ABCB5: variants seen among roughly 807,000 people sequenced by gnomAD.
ABCB5 encodes ATP-binding cassette sub-family B member 5.
A neutral mutation model predicts 144.2 loss-of-function variants in ABCB5; 155 were observed. The ratio of observed to expected loss-of-function variants is 1.08; its 90% CI spans 0.94 to 1.23. The LOEUF (loss-of-function observed/expected upper bound fraction) is 1.23. Ranked by LOEUF, ABCB5 falls within the 50% of genes most tolerant of loss-of-function variation. The pLI is 0.00. For missense variants in ABCB5, 1,830 were observed against 1,520.8 expected (o/e 1.20, Z -3.38); for synonymous variants, 610 against 528.6 (o/e 1.15, Z -2.11).
intron 21 of ABCB5, among the ~76,000 whole-genome samples, chr7:20,724,330 T>C (rs190746953): frequency 2.0e-5 from 3 of 152,164 alleles, no homozygotes; most frequent in African/African-American, 7.2e-5. Context: ...GAGACTTCTG[T>C]TGACTCTACA....
chr7:20,712,937 T>C (rs1781536111), intron 20 of ABCB5, among the ~76,000 whole-genome samples: 1 of 149,752 alleles, frequency 6.7e-6, no homozygotes, highest in South Asian at 2.1e-4. Flanking sequence ...CTTGGTAATT[T>C]TCAAGTTTAC....
intron 15 of ABCB5, among the ~76,000 whole-genome samples, chr7:20,683,824 C>A (rs1785903329): frequency 6.6e-6 from 1 of 152,292 alleles, no homozygotes; most frequent in Non-Finnish European, 1.5e-5. Context: ...CCAAGATTGA[C>A]TGCGGTATCA....
intron 15 of ABCB5, 100 bp downstream of exon 15, chr7:20,681,766 C>T: frequency 7.4e-7 from 1 of 1,359,474 alleles, no homozygotes; most frequent in East Asian, 2.4e-5. Context: ...TCTTAAATTT[C>T]AAAAAGCAAC....
At chr7:20,693,112 A>G (rs1233031779) in intron 16 of ABCB5, among the ~76,000 whole-genome samples, 2 of 152,166 alleles carry the variant, frequency 1.3e-5, no homozygotes, top group African/African-American at 4.8e-5. Context: ...AAAATAGACC[A>G]TATTCTGGAC....
chr7:20,651,931 G>A (rs1394268364), intron 13 of ABCB5, among the ~76,000 whole-genome samples: 1 of 152,090 alleles, frequency 6.6e-6, no homozygotes, highest in African/African-American at 2.4e-5. Context: ...GCCCAGGGAA[G>A]CCAAAAAATT....
rs763546733 is a variant in ABCB5 at position 20,666,119 on chromosome 7, G to A, written c.1707+7443G>A. 5.3e-5 allele frequency among the ~76,000 whole-genome samples: 8 copies of A among 150,676 alleles called. No homozygotes were observed. In the South Asian group the frequency reaches 8.4e-4, roughly 16 times the overall value. ...CAGGAGGTGGAGGTTGCGGTGAGCC[G>A]AGAGCACGCCATTGCACTCCAGCCT... On this transcript the variant is annotated intron_variant, in intron 14 of 27. Coordinates refer to ENST00000404938, the MANE Select transcript of ABCB5 (RefSeq NM_001163941.2).
chr7:20,699,727 A>T, intron 17 of ABCB5, 98 bp from the exon 18 acceptor site: 1 of 745,030 alleles, frequency 1.3e-6, no homozygotes, highest in Non-Finnish European at 2.1e-6. Flanking sequence ...AAAAAAAAAG[A>T]AATGTATTTT....
chr7:20,704,244 T>G (rs1255767299), intron 19 of ABCB5, among the ~76,000 whole-genome samples: 2 of 151,896 alleles, frequency 1.3e-5, no homozygotes, highest in Admixed American at 1.3e-4. Flanking sequence ...GCCCAGCTAA[T>G]GTTTGTGTTT....
chr7:20,632,939 C>A (rs1317279979), intron 5 of ABCB5, among the ~76,000 whole-genome samples: 3 of 151,304 alleles, frequency 2.0e-5, no homozygotes, highest in African/African-American at 7.3e-5. Flanking sequence ...TGCAGCGCAC[C>A]AGCATGGCAC....
intron 25 of ABCB5, among the ~76,000 whole-genome samples, chr7:20,743,905 C>A (rs1782637905): frequency 6.6e-6 from 1 of 152,270 alleles, no homozygotes; most frequent in South Asian, 2.1e-4. Context: ...CACACTCCCT[C>A]TTCTAAACCT....
intron 11 of ABCB5, 69 bp from the exon 12 acceptor site, chr7:20,649,953 A>G (rs1029851799): frequency 6.6e-7 from 1 of 1,508,038 alleles, no homozygotes; most frequent in East Asian, 2.4e-5. Context: ...TTATGTACTC[A>G]TTTTCTGAAA....
intron 1 of ABCB5, among the ~76,000 whole-genome samples, chr7:20,622,424 G>A (rs528257104): frequency 5.3e-5 from 8 of 152,138 alleles, no homozygotes; most frequent in Admixed American, 1.3e-4. Flanking sequence ...TTCCTCCTTG[G>A]TGCTAAAAGC....
chr7:20,656,958 A>G (rs1215938966), intron 13 of ABCB5, among the ~76,000 whole-genome samples: 1 of 130,060 alleles, frequency 7.7e-6, no homozygotes, highest in East Asian at 2.2e-4. Context: ...TCTGTCACCT[A>G]GGGTGGAGTG....
intron 14 of ABCB5, among the ~76,000 whole-genome samples, chr7:20,676,591 C>T (rs1466504233): frequency 1.3e-5 from 2 of 152,010 alleles, no homozygotes; most frequent in Non-Finnish European, 2.9e-5. Context: ...AGGGAATGAG[C>T]AGGGAGAGAA....
intron 20 of ABCB5, among the ~76,000 whole-genome samples, 195 bp from the exon 21 acceptor site, chr7:20,722,821 C>T (rs544027103): frequency 7.3e-4 from 110 of 150,202 alleles, no homozygotes; most frequent in African/African-American, 2.6e-3. Context: ...GACTCCATCC[C>T]GGAAAAAAAA....
chr7:20,715,937 A>C (rs889856919), intron 20 of ABCB5, among the ~76,000 whole-genome samples: 7 of 151,232 alleles, frequency 4.6e-5, no homozygotes, highest in Non-Finnish European at 8.9e-5. Context: ...TCAGGCTGGT[A>C]TCGAACTCCT....
intron 11 of ABCB5, among the ~76,000 whole-genome samples, chr7:20,649,314 G>A (rs542002161): frequency 2.0e-5 from 3 of 152,258 alleles, no homozygotes; most frequent in Admixed American, 6.5e-5. Context: ...TGAGATCAAA[G>A]CAAGAGAATT....
intron 24 of ABCB5, among the ~76,000 whole-genome samples, chr7:20,742,226 T>C (rs1469084617): frequency 1.3e-5 from 2 of 150,978 alleles, no homozygotes; most frequent in Non-Finnish European, 1.5e-5. Flanking sequence ...ATACAAAAAT[T>C]GGCTGGGTGT....
At chr7:20,617,715 A>G (rs1054078228) in intron 1 of ABCB5, among the ~76,000 whole-genome samples, 1 of 152,222 alleles carries the variant, frequency 6.6e-6, no homozygotes, top group Non-Finnish European at 1.5e-5. Context: ...TATGCTGTCA[A>G]TAAGAGAATC....
Sources: gnomAD v4.1 joint callset for allele counts (sites outside exome capture counted in the v4.1 genomes callset) on GRCh38, gnomAD v4.1.1 for gene constraint, MANE v1.5 for transcripts, NCBI Gene and HGNC (gene_info 2026-07-23, HGNC 2026-07-21) for gene names.